SLC43A2: variants seen among roughly 807,000 people sequenced by gnomAD.
The protein encoded by SLC43A2 is large neutral amino acids transporter small subunit 4.
A neutral mutation model predicts 63.2 loss-of-function variants in SLC43A2; 38 were observed. The observed-to-expected ratio is 0.60, with a 90% CI of 0.46 to 0.79. The LOEUF is 0.79. SLC43A2 is among the 30% of genes least tolerant of loss of function. The pLI is 0.00. For missense variants in SLC43A2, 644 were observed against 756.2 expected (o/e 0.85, Z 1.74); for synonymous variants, 322 against 331.0 (o/e 0.97, Z 0.30).
At chr17:1,629,183 C>T (rs966701259), upstream of SLC43A2, among the ~76,000 whole-genome samples, 1 of 151,918 alleles carries the variant, frequency 6.6e-6, no homozygotes, top group Non-Finnish European at 1.5e-5. Context: ...GGACTCCCCC[C>T]AGAAGCCGCC....
chr17:1,586,816 CCA>C (rs2076109136), intron 9 of SLC43A2: 2 of 882,744 alleles, frequency 2.3e-6, no homozygotes, highest in Admixed American at 3.6e-5. Flanking sequence ...GTTGATTGCC[CCA>C]GTTTTACCCC....
chr17:1,589,622 T>A (rs760981847), intron 9 of SLC43A2, among the ~76,000 whole-genome samples: 1 of 152,080 alleles, frequency 6.6e-6, no homozygotes, highest in South Asian at 2.1e-4. Flanking sequence ...GTTCCACAGA[T>A]ATTTTTTTTT....
chr17:1,595,291 AAAG>A (rs1905199219), intron 5 of SLC43A2, among the ~76,000 whole-genome samples: 2 of 149,766 alleles, frequency 1.3e-5, no homozygotes, highest in Admixed American at 1.3e-4. Context: ...AAAAAAAAAA[AAAG>A]AGAGAGAGAG....
chr17:1,614,411 TAAAAC>T (rs71375517), intron 4 of SLC43A2, among the ~76,000 whole-genome samples: 22 of 150,270 alleles, frequency 1.5e-4, no homozygotes, highest in South Asian at 2.1e-4. Context: ...ACCCTGTCTC[TAAAAC>T]AAAACAAAAC....
intron 2 of SLC43A2, 48 bp downstream of exon 2, chr17:1,627,667 A>AAACCCCCCCACCCC: frequency 2.5e-6 from 1 of 393,396 alleles, no homozygotes. Flanking sequence ...GCCCCCTCCC[A>AAACCCCCCCACCCC]AAGCCCCAGC....
At chr17:1,585,568 A>T in intron 10 of SLC43A2, 1 of 829,546 alleles carries the variant, frequency 1.2e-6, no homozygotes, top group Non-Finnish European at 1.7e-6. Context: ...TTTTGTAGAG[A>T]CGGGGAGTGG....
rs2075895493 is a variant in SLC43A2 at position 1,574,793 on chromosome 17, C to G, written c.*811G>C. On this transcript the variant is annotated 3_prime_UTR_variant, in exon 14 of 14. Transcript: ENST00000301335. The stretch of plus-strand genomic sequence containing the variant: ...CCTCGGACCCACCCACGTCCCCACC[C>G]CGGCCTGGACCTCCACGTCTGCCGG... 6.5e-6 allele frequency: 1 copy of G among 152,732 alleles called. No homozygotes were observed. Among genetic ancestry groups the G allele is most frequent in the Admixed American group, 6.5e-5 (1 of 15,314 alleles). The allele number at this position is 152,732 out of a possible 1,614,324, so 9.5% of individuals were successfully genotyped here.
At position 1,613,245 on chromosome 17, in the gene SLC43A2, G is replaced by C. The variant is rs1245914170; in HGVS notation, c.451C>G (p.Leu151Val). 1 of 1,614,034 alleles carries C rather than the reference G, an allele frequency of 6.2e-7. No individual in the cohort carries two copies. The highest frequency in any genetic ancestry group is 2.2e-5 in the East Asian group (1 of 44,902). Residue 151 changes from leucine (L) to valine (V), a missense_variant, in exon 5 of 14, where the codon CTG becomes GTG. Around this residue, in one of 3 missense-constraint regions of SLC43A2, gnomAD observed 528 missense variants for 623.6 expected, o/e 0.85. Transcript: ENST00000301335. ...ATCCCACCAAAGCCATTCAGAGCCA[G>C]GGCGATGAAGATGAGCACGGAGAGA... Reference protein sequence around the residue: ...NALSVLIFIALALNGFGGMCM... With the variant: ...NALSVLIFIAVALNGFGGMCM...
intron 2 of SLC43A2, among the ~76,000 whole-genome samples, chr17:1,623,754 A>C (rs1435761433): frequency 1.1e-5 from 1 of 87,024 alleles, no homozygotes; most frequent in Non-Finnish European, 2.3e-5. Flanking sequence ...TCCAGGCTGT[A>C]CCCTCCTCTC....
rs1276994890 is a variant in SLC43A2 at position 1,593,650 on chromosome 17, T to TA, written c.502-372dup. 1.3e-5 allele frequency among the ~76,000 whole-genome samples: 2 copies of TA among 152,166 alleles called. No homozygotes were observed. The highest frequency in any genetic ancestry group is 4.8e-5 in the African/African-American group (2 of 41,442). ...CAGCCCTCAAAGGGAGAAAGCCTGT[T>TA]AAAAATAAGAATCTATTTGGGGATA... On this transcript the variant is annotated intron_variant, in intron 5 of 13. Transcript: ENST00000301335. This position sits in a 1 kb window ranked among gnomAD's most constrained non-coding sequence, Gnocchi z 5.3.
rs556020196 is a variant in SLC43A2, at chr17:1,575,141, C to T, written c.*463G>A. 7.6e-5 allele frequency: 14 copies of T among 183,062 alleles called. No individual in the cohort carries two copies. The highest frequency in any genetic ancestry group is 1.8e-4 in the East Asian group (1 of 5,538). The allele number at this position is 183,062 out of a possible 1,614,324, so 11.3% of individuals were successfully genotyped here. A position where few individuals can be genotyped will look rare whatever the true frequency, so the allele number is the denominator to read the frequency against. ...CTTCCTCAGGCAGCCTCAGGCTGGC[C>T]GGGGAGGGGGTGGGGGCCAGGCGCG... On this transcript the variant is annotated 3_prime_UTR_variant, in exon 14 of 14. Transcript: ENST00000301335.
At chr17:1,599,122 G>A (rs1269060582) in intron 5 of SLC43A2, among the ~76,000 whole-genome samples, 1 of 152,092 alleles carries the variant, frequency 6.6e-6, no homozygotes, top group African/African-American at 2.4e-5. Flanking sequence ...GCTGAGGTGG[G>A]CGGATCACGA....
chr17:1,581,108 C>A (rs959295622), intron 11 of SLC43A2, among the ~76,000 whole-genome samples: 13 of 152,074 alleles, frequency 8.5e-5, no homozygotes, highest in African/African-American at 3.1e-4. Context: ...GCCCTGCCAT[C>A]CCGCTCAGCA....
chr17:1,626,867 G>A (rs1328423037), intron 2 of SLC43A2, among the ~76,000 whole-genome samples: 1 of 152,174 alleles, frequency 6.6e-6, no homozygotes, highest in Non-Finnish European at 1.5e-5. Flanking sequence ...AAGAAGGAGG[G>A]TAGGAGGCTA....
intron 3 of SLC43A2, chr17:1,616,269 TATC>T (rs919105182): frequency 4.9e-6 from 2 of 412,044 alleles, no homozygotes; most frequent in African/African-American, 2.0e-5. Context: ...AAACCCCAAT[TATC>T]ATGCTTATGA....
intron 9 of SLC43A2, among the ~76,000 whole-genome samples, chr17:1,587,953 GT>G (rs1463039494): frequency 2.0e-5 from 3 of 152,122 alleles, no homozygotes; most frequent in Non-Finnish European, 4.4e-5. Flanking sequence ...GCCCTGGACT[GT>G]TTTCCCCCCT....
Position 1,605,078 on chromosome 17 carries a change from T to A in SLC43A2, c.501+8117A>T, listed in dbSNP as rs1284277571. 5 of 1,380,904 alleles carry A rather than the reference T, an allele frequency of 3.6e-6. No homozygotes were observed. The African/African-American group carries it at 7.3e-5, about 20-fold the overall frequency. 85.5% of individuals were successfully genotyped at this position (1,380,904 alleles called of 1,614,324 possible). A position where few individuals can be genotyped will look rare whatever the true frequency, so the allele number is the denominator to read the frequency against. ...GCTGTTTCCTGACTCACCACCACAC[T>A]CACAGGTGGGAGTGCAAGCCCCTCT... On this transcript the variant is annotated intron_variant, in intron 5 of 13. Coordinates refer to ENST00000301335, the MANE Select transcript of SLC43A2 (RefSeq NM_152346.3). The surrounding 1 kb of genome is among the most constrained non-coding windows in gnomAD (Gnocchi z 4.9).
In SLC43A2 at chr17:1,591,668, A is replaced by T. The variant is rs752318501; in HGVS notation, c.626T>A (p.Val209Asp). ...LIYDAGVSFI[V>D]VLVVWAGCSG... ...GCAGCCGGCCCAGACCACGAGGACG[A>T]CGATGAAGGAGACACCAGCATCATA... Residue 209 changes from valine (V) to aspartate (D), a missense_variant, in exon 7 of 14, where the codon GTC (valine) becomes GAC (aspartate). This residue lies in a region of SLC43A2 where 528 missense variants were observed against 623.6 expected (regional missense o/e 0.85). Transcript: ENST00000301335. 2 of 1,408,182 alleles carry T rather than the reference A, an allele frequency of 1.4e-6. No individual in the cohort carries two copies. Among genetic ancestry groups the T allele is most frequent in the Non-Finnish European group, 9.5e-7 (1 of 1,053,608 alleles). The allele number at this position is 1,408,182 out of a possible 1,614,324, so 87.2% of individuals were successfully genotyped here. A position where few individuals can be genotyped will look rare whatever the true frequency, so the allele number is the denominator to read the frequency against.
At chr17:1,586,629 G>T (rs746763919) in intron 9 of SLC43A2, among the ~76,000 whole-genome samples, 8 of 152,052 alleles carry the variant, frequency 5.3e-5, no homozygotes, top group East Asian at 1.9e-4. Context: ...GGAGGTGAAG[G>T]TTGCAGTGAG....
Sources: gnomAD v4.1 joint callset for allele counts (sites outside exome capture counted in the v4.1 genomes callset) on GRCh38, gnomAD v4.1.1 for gene constraint, gnomAD v4.1.1 regional missense constraint, Gnocchi (gnomAD v3.1) non-coding constraint, MANE v1.5 for transcripts, NCBI Gene and HGNC (gene_info 2026-07-23, HGNC 2026-07-21) for gene names.